Variants in ECHDC1 observed in about 807,000 individuals in gnomAD.
ECHDC1 encodes the protein ethylmalonyl-CoA decarboxylase.
A neutral mutation model predicts 29.7 loss-of-function variants in ECHDC1; 29 were observed. The ratio of observed to expected loss-of-function variants is 0.98; its 90% CI spans 0.73 to 1.33. The LOEUF (loss-of-function observed/expected upper bound fraction) is 1.33. ECHDC1 is among the 40% of genes most tolerant of loss of function. The pLI, the probability that ECHDC1 is intolerant of heterozygous loss-of-function variation, is 0.00. For missense variants in ECHDC1, 328 were observed against 350.0 expected, an observed-to-expected ratio of 0.94 and a Z score of 0.50; for synonymous variants, 126 against 123.1, an observed-to-expected ratio of 1.02 and a Z score of -0.15.
rs1265687397 is a variant in ECHDC1 at position 127,289,215 on chromosome 6, A to C, written c.*654T>G. The C allele has an allele frequency of 6.6e-6, 1 of 152,096 alleles. No individual in the cohort carries two copies. 9.4% of individuals were successfully genotyped at this position (152,096 alleles called of 1,614,324 possible). A position where few individuals can be genotyped will look rare whatever the true frequency, so the allele number is the denominator to read the frequency against. On this transcript the variant is annotated 3_prime_UTR_variant, in exon 6 of 6. Coordinates refer to ENST00000454859, the MANE Select transcript of ECHDC1 (RefSeq NM_001002030.2). ...ACTAGTTGGAAATTCCAGGGCACAC[A>C]AATGAATGTCCAATTGTAGAATCAG... is the stretch of plus-strand genomic sequence containing the variant.
intron 3 of ECHDC1, among the ~76,000 whole-genome samples, chr6:127,320,444 A>G (rs1376884468): frequency 6.6e-6 from 1 of 152,218 alleles, no homozygotes; most frequent in Non-Finnish European, 1.5e-5. Context: ...ATTGGGAGAA[A>G]AGTAACAAGG....
At chr6:127,292,515 A>G (rs1014042477) in intron 5 of ECHDC1, among the ~76,000 whole-genome samples, 1 of 152,002 alleles carries the variant, frequency 6.6e-6, no homozygotes, top group Admixed American at 6.6e-5. Context: ...GTACTGATAT[A>G]CATTAAATAT....
intron 3 of ECHDC1, 75 bp downstream of exon 3, chr6:127,326,927 G>T: frequency 6.7e-7 from 1 of 1,482,412 alleles, no homozygotes; most frequent in Non-Finnish European, 9.1e-7. Context: ...ATAACCATTA[G>T]TAAAATATAA....
In ECHDC1 at chr6:127,313,441, G is replaced by T. The variant is rs542082358; in HGVS notation, c.497+1375C>A. 80 of 363,744 alleles carry T rather than the reference G, an allele frequency of 2.2e-4. 3 individuals carry two copies. In the East Asian group the frequency reaches 3.0e-3, roughly 14 times the overall value. 22.5% of individuals were successfully genotyped at this position (363,744 alleles called of 1,614,324 possible). On this transcript the variant is annotated intron_variant, in intron 5 of 5. Coordinates refer to ENST00000454859, the MANE Select transcript of ECHDC1 (RefSeq NM_001002030.2). ...TGGTCTCAAACTCCTGACCTCAGGT[G>T]ATCTGCCTATTTCAGCCCCCCAAAA...
intron 1 of ECHDC1, among the ~76,000 whole-genome samples, chr6:127,336,364 C>T (rs927450170): frequency 3.9e-5 from 6 of 152,088 alleles, no homozygotes; most frequent in African/African-American, 7.2e-5. Flanking sequence ...AATGTTCCTG[C>T]AAATATTATT....
chr6:127,318,776 AGATG>A (rs1195584540), intron 3 of ECHDC1, among the ~76,000 whole-genome samples: 1 of 152,250 alleles, frequency 6.6e-6, no homozygotes, highest in Non-Finnish European at 1.5e-5. Context: ...GATGAATTTT[AGATG>A]GAGAACTATG....
intron 1 of ECHDC1, among the ~76,000 whole-genome samples, chr6:127,341,843 C>T (rs1430416158): frequency 6.6e-6 from 1 of 152,188 alleles, no homozygotes; most frequent in Non-Finnish European, 1.5e-5. Flanking sequence ...AACAATTAGC[C>T]TAGAGCACGT....
chr6:127,315,820 CT>C, intron 4 of ECHDC1: 1 of 406,510 alleles, frequency 2.5e-6, no homozygotes, highest in Non-Finnish European at 5.0e-6. Context: ...AATTAATAAC[CT>C]TGCTTAAATA....
chr6:127,309,228 A>C (rs1229025742), intron 5 of ECHDC1, among the ~76,000 whole-genome samples: 3 of 152,120 alleles, frequency 2.0e-5, no homozygotes, highest in African/African-American at 7.2e-5. Context: ...CAAAAACCAA[A>C]ATAGCATAAA....
At position 127,290,157 on chromosome 6, in the gene ECHDC1, C is replaced by G; in HGVS notation, c.618G>C (p.Leu206Phe). 4 of 1,613,748 alleles carry G rather than the reference C, an allele frequency of 2.5e-6. No homozygotes were observed. Among genetic ancestry groups the G allele is most frequent in the Non-Finnish European group, 3.4e-6 (4 of 1,179,790 alleles). Residue 206 changes from leucine to phenylalanine, a missense_variant, in exon 6 of 6, where the codon TTG becomes TTC. By Grantham distance (22) the Leu-to-Phe change is conservative (BLOSUM62 0). Coordinates refer to ENST00000454859, the MANE Select transcript of ECHDC1 (RefSeq NM_001002030.2). Reference protein sequence around the residue: ...IIGSRQALKVLSGALKLDSKN... With the variant: ...IIGSRQALKVFSGALKLDSKN... Reference sequence around the variant, plus strand: ...TTGAATCCAGTTTAAGGGCCCCACTCAACACTTTGAGAGCTTGTCTACTTC... The same window carrying G: ...TTGAATCCAGTTTAAGGGCCCCACTGAACACTTTGAGAGCTTGTCTACTTC...
At chr6:127,330,247 T>C (rs762267551) in intron 2 of ECHDC1, among the ~76,000 whole-genome samples, 61 of 152,186 alleles carry the variant, frequency 4.0e-4, no homozygotes, top group Non-Finnish European at 4.1e-4. Flanking sequence ...AAAATTCTTA[T>C]ATGCTAAGAG....
chr6:127,299,517 T>C (rs956037621), intron 5 of ECHDC1, among the ~76,000 whole-genome samples: 1 of 150,320 alleles, frequency 6.7e-6, no homozygotes, highest in Non-Finnish European at 1.5e-5. Flanking sequence ...AATAAGGATA[T>C]AAAAAAAGAA....
At chr6:127,323,966 T>C (rs535215084) in intron 3 of ECHDC1, among the ~76,000 whole-genome samples, 3 of 152,294 alleles carry the variant, frequency 2.0e-5, no homozygotes, top group East Asian at 1.9e-4. Flanking sequence ...TCTTGAACTT[T>C]ACTATGTGCC....
Position 127,308,136 on chromosome 6 carries a change from G to A in ECHDC1, c.497+6680C>T, listed in dbSNP as rs766255306. 1.6e-4 allele frequency among the ~76,000 whole-genome samples: 25 copies of A among 152,134 alleles called. 1 individual carries two copies. The highest frequency in any genetic ancestry group is 2.6e-4 in the African/African-American group (11 of 41,520). On this transcript the variant is annotated intron_variant, in intron 5 of 5. Coordinates refer to ENST00000454859, the MANE Select transcript of ECHDC1 (RefSeq NM_001002030.2). ...GAAAAATAGAGGAGGGGATACTTCC[G>A]AACTCATTCTGTGAGGCAAGTATTA...
chr6:127,298,729 C>G (rs992707652), intron 5 of ECHDC1, among the ~76,000 whole-genome samples: 1 of 152,098 alleles, frequency 6.6e-6, no homozygotes, highest in African/African-American at 2.4e-5. Flanking sequence ...TAGAACAATG[C>G]TTTACTCACA....
chr6:127,327,916 C>T (rs184010952), intron 2 of ECHDC1, among the ~76,000 whole-genome samples: 140 of 152,302 alleles, frequency 9.2e-4, no homozygotes, highest in African/African-American at 3.2e-3. Flanking sequence ...TCTAAGTTCA[C>T]AAAGTTCATG....
chr6:127,330,000 G>A, intron 2 of ECHDC1: 1 of 285,520 alleles, frequency 3.5e-6, no homozygotes, highest in South Asian at 2.9e-5. Context: ...GTAGATACAT[G>A]AAAATTTTGT....
At chr6:127,291,936 A>G (rs557444944) in intron 5 of ECHDC1, among the ~76,000 whole-genome samples, 1 of 152,230 alleles carries the variant, frequency 6.6e-6, no homozygotes, top group African/African-American at 2.4e-5. Flanking sequence ...TGGGAGGAAA[A>G]AAGAACAAGT....
chr6:127,321,637 A>T (rs1428103506), intron 3 of ECHDC1, among the ~76,000 whole-genome samples: 1 of 152,234 alleles, frequency 6.6e-6, no homozygotes, highest in Non-Finnish European at 1.5e-5. Context: ...TATATTTCTT[A>T]TACTATGACT....
Sources: allele counts gnomAD v4.1 joint callset (sites outside exome capture counted in the v4.1 genomes callset), GRCh38; gene constraint gnomAD v4.1.1; transcripts MANE v1.5; gene names NCBI Gene and HGNC (gene_info 2026-07-23, HGNC 2026-07-21).